PABPC4: variants seen among roughly 807,000 people sequenced by gnomAD.
The protein encoded by PABPC4 is polyadenylate-binding protein 4.
A neutral mutation model predicts 74.5 loss-of-function variants in PABPC4; 15 were observed. The ratio of observed to expected loss-of-function variants is 0.20; its 90% confidence interval spans 0.13 to 0.31. The LOEUF is 0.31. PABPC4 is among the 10% of genes least tolerant of loss of function. The pLI is 1.00. For missense variants in PABPC4, 610 were observed against 853.5 expected (o/e 0.71, Z 3.55); for synonymous variants, 345 against 303.0 (o/e 1.14, Z -1.44).
At chr1:39,564,132 C>T in intron 10 of PABPC4, 1 of 613,426 alleles carries the variant, frequency 1.6e-6, no homozygotes, top group Non-Finnish European at 2.8e-6. Context: ...CCTTGTATTC[C>T]TCACCCCACC....
In PABPC4 at chr1:39,574,823, G is replaced by A. The variant is rs549559767; in HGVS notation, c.193+936C>T. ...CCCTTTTAATCTGGAGTCACGTGCA[G>A]CCTCTGATCAGGTTTCCTCTGGCCT... is the stretch of plus-strand genomic sequence containing the variant. On this transcript the variant is annotated intron_variant, in intron 1 of 15. Transcript: ENST00000372858. Among the ~76,000 whole-genome samples the A allele has an allele frequency of 2.5e-3, 384 of 152,332 alleles. 3 individuals carry two copies. Among genetic ancestry groups the A allele is most frequent in the African/African-American group, 8.7e-3 (363 of 41,584 alleles).
intron 1 of PABPC4, among the ~76,000 whole-genome samples, chr1:39,574,488 C>G (rs1445851639): frequency 3.9e-5 from 6 of 152,216 alleles, no homozygotes; most frequent in Non-Finnish European, 7.3e-5. Context: ...CTAAGTGACA[C>G]GACTTTTGTT....
chr1:39,575,002 G>T (rs1645996614), intron 1 of PABPC4, among the ~76,000 whole-genome samples: 1 of 152,218 alleles, frequency 6.6e-6, no homozygotes, highest in Non-Finnish European at 1.5e-5. Flanking sequence ...CAGATTAGAT[G>T]AAATAAAAGG....
In PABPC4 at chr1:39,568,807, A is replaced by T. The variant is rs751937529; in HGVS notation, c.871T>A (p.Tyr291Asn). The T allele has an allele frequency of 6.2e-7, 1 of 1,613,144 alleles. No individual in the cohort carries two copies. Among genetic ancestry groups the T allele is most frequent in the South Asian group, 1.1e-5 (1 of 90,698 alleles). Residue 291 changes from tyrosine (Y) to asparagine (N), a missense_variant, in exon 6 of 16, where the codon TAT becomes AAT. Transcript: ENST00000372858. ...EQLKQERISRYQGVNLYIKNL... is the reference protein window; with the variant it reads ...EQLKQERISRNQGVNLYIKNL... ...CTGGGCCAAGACCACCTTACCTGATATCGACTAATTCTCTCCTGTTTCAAC... is the reference window on the plus strand; with the variant it reads ...CTGGGCCAAGACCACCTTACCTGATTTCGACTAATTCTCTCCTGTTTCAAC...
In PABPC4 at chr1:39,564,398, C is replaced by T. The variant is rs755539556; in HGVS notation, c.1453+25G>A. ...TCCTGACTCCCTCCTCCCCAGGCCA[C>T]ACTTCTAAAGGCCAGTTTGCTCACC... On this transcript the variant is annotated intron_variant, in intron 10 of 15. Transcript: ENST00000372858. 6 of 1,610,936 alleles carry T rather than the reference C, an allele frequency of 3.7e-6. No homozygotes were observed. In the Admixed American group the frequency reaches 5.0e-5, roughly 13 times the overall value.
At chr1:39,571,132 T>G (rs1645933810) in intron 3 of PABPC4, 102 bp downstream of exon 3, 5 of 1,587,182 alleles carry the variant, frequency 3.2e-6, no homozygotes, top group Admixed American at 1.7e-5. Context: ...CAGGCCACAC[T>G]TGGGCCGAGA....
At chr1:39,565,059 T>C in intron 8 of PABPC4, 47 bp downstream of exon 8, 7 of 1,602,856 alleles carry the variant, frequency 4.4e-6, no homozygotes, top group Non-Finnish European at 6.0e-6. Context: ...TGCAGAATAC[T>C]GCCAGCCGGC....
chr1:39,570,969 T>G, intron 3 of PABPC4: 1 of 1,093,018 alleles, frequency 9.1e-7, no homozygotes, highest in Non-Finnish European at 1.2e-6. Flanking sequence ...CCAGCCCCAG[T>G]TGTTGATGCT....
chr1:39,568,982 G>A (rs1645894652), intron 5 of PABPC4, 43 bp from the exon 6 acceptor site: 1 of 1,586,762 alleles, frequency 6.3e-7, no homozygotes, highest in South Asian at 1.2e-5. Flanking sequence ...TTGCAGCGAT[G>A]GGGTCTTATT....
chr1:39,576,164 C>G lies in PABPC4; in HGVS notation c.-213G>C, dbSNP rs1646023480. ...CGGCCGCAGCACCGCAGACAAAAGG[C>G]TCTCCGCACAATACGGCCCTCCCCG... On this transcript the variant is annotated 5_prime_UTR_variant, in exon 1 of 16. Coordinates refer to ENST00000372858, the MANE Select transcript of PABPC4 (RefSeq NM_001135653.2). The G allele has an allele frequency of 4.1e-6, 2 of 491,188 alleles. No individual in the cohort carries two copies. The highest frequency in any genetic ancestry group is 7.2e-6 in the Non-Finnish European group (2 of 278,030). The allele number at this position is 491,188 out of a possible 1,614,324, so 30.4% of individuals were successfully genotyped here.
chr1:39,575,365 G>A (rs936807628), intron 1 of PABPC4, among the ~76,000 whole-genome samples: 6 of 152,314 alleles, frequency 3.9e-5, no homozygotes, highest in Non-Finnish European at 4.4e-5. Context: ...ACTTTCGCGG[G>A]GAATTGTGTT....
chr1:39,561,436 C>T, intron 15 of PABPC4: 1 of 466,610 alleles, frequency 2.1e-6, no homozygotes, highest in Non-Finnish European at 3.9e-6. Flanking sequence ...ACTGTCTCTT[C>T]TTTCCCTATC....
rs957282655 is a variant in PABPC4, at chr1:39,576,707, ATTTT to A, written c.-760_-757del. 6 of 147,472 alleles carry A rather than the reference ATTTT, an allele frequency of 4.1e-5. No individual in the cohort carries two copies. The highest frequency in any genetic ancestry group is 2.1e-4 in the South Asian group (1 of 4,720). The allele number at this position is 147,472 out of a possible 1,614,324, so 9.1% of individuals were successfully genotyped here. A position where few individuals can be genotyped will look rare whatever the true frequency, so the allele number is the denominator to read the frequency against. ...TTTCAGGATTTTGAAGCGTTTTCAG[ATTTT>A]TTTTATCTTTTTCTCTTTTTTTCCT... On this transcript the variant is annotated 5_prime_UTR_variant, in exon 1 of 16. Transcript: ENST00000372858.
Position 39,565,199 on chromosome 1 carries a change from T to C in PABPC4, c.1152A>G (p.Gln384=). Residue 384 remains glutamine, a synonymous_variant, in exon 8 of 16, where the codon CAA becomes CAG. Transcript: ENST00000372858. The stretch of plus-strand genomic sequence containing the variant: ...GAAGTGCTCTCATTCCAGCCACTCG[T>C]TGCATATACTGGTTGGTCAGGTGAG... ...RKAHLTNQYM[Q]RVAGMRALPA... is the part of the protein sequence containing the mutation. The C allele has an allele frequency of 6.2e-7, 1 of 1,614,214 alleles. No individual in the cohort carries two copies.
chr1:39,567,321 A>C (rs1389689201), intron 7 of PABPC4: 1 of 503,430 alleles, frequency 2.0e-6, no homozygotes, highest in African/African-American at 1.9e-5. Flanking sequence ...ACCAGGGTAG[A>C]AGTTCCCAAG....
intron 2 of PABPC4, among the ~76,000 whole-genome samples, chr1:39,572,054 T>C (rs77027633): frequency 0.017 from 2,627 of 152,218 alleles, 33 homozygotes; most frequent in Non-Finnish European, 0.03. Context: ...AGGAATAGAG[T>C]GAATTTATGC....
Position 39,564,384 on chromosome 1 carries a change from T to TC in PABPC4, c.1453+38dup, listed in dbSNP as rs760479088. 83 of 1,606,638 alleles carry TC rather than the reference T, an allele frequency of 5.2e-5. No homozygotes were observed. The African/African-American group carries it at 9.4e-4, about 18-fold the overall frequency. On this transcript the variant is annotated intron_variant, in intron 10 of 15. Coordinates refer to ENST00000372858, the MANE Select transcript of PABPC4 (RefSeq NM_001135653.2). Reference sequence around the variant, plus strand: ...ACAGAGCCTAGTCATCCTGACTCCCTCCTCCCCAGGCCACACTTCTAAAGG... The same window carrying TC: ...ACAGAGCCTAGTCATCCTGACTCCCTCCCTCCCCAGGCCACACTTCTAAAGG...
At position 39,567,747 on chromosome 1, in the gene PABPC4, A is replaced by C. The variant is rs202028300; in HGVS notation, c.972+4T>G. The C allele has an allele frequency of 6.4e-6, 9 of 1,408,874 alleles. No homozygotes were observed. Among genetic ancestry groups the C allele is most frequent in the Non-Finnish European group, 1.0e-6 (1 of 992,896 alleles). 87.3% of individuals were successfully genotyped at this position (1,408,874 alleles called of 1,614,324 possible). ...CTTTCAATCCCCAGATCGCAGTATAATACCTTAGCACTGGTAATTGATCCA... is the reference window on the plus strand; with the variant it reads ...CTTTCAATCCCCAGATCGCAGTATACTACCTTAGCACTGGTAATTGATCCA... On this transcript the variant is annotated splice_donor_region_variant and intron_variant, in intron 7 of 15. Coordinates refer to ENST00000372858, the MANE Select transcript of PABPC4 (RefSeq NM_001135653.2).
Position 39,576,181 on chromosome 1 carries a change from C to A in PABPC4, c.-230G>T, listed in dbSNP as rs1646023625. The stretch of plus-strand genomic sequence containing the variant: ...ACAAAAGGCTCTCCGCACAATACGG[C>A]CCTCCCCGCGACTTTGCACTTCTCC... On this transcript the variant is annotated 5_prime_UTR_variant, in exon 1 of 16. Coordinates refer to ENST00000372858, the MANE Select transcript of PABPC4 (RefSeq NM_001135653.2). The A allele has an allele frequency of 6.9e-6, 3 of 436,558 alleles. No individual in the cohort carries two copies. Among genetic ancestry groups the A allele is most frequent in the Non-Finnish European group, 1.2e-5 (3 of 247,182 alleles). The allele number at this position is 436,558 out of a possible 1,614,324, so 27.0% of individuals were successfully genotyped here. A position where few individuals can be genotyped will look rare whatever the true frequency, so the allele number is the denominator to read the frequency against.
Sources: gnomAD v4.1 joint callset for allele counts (sites outside exome capture counted in the v4.1 genomes callset) on GRCh38, gnomAD v4.1.1 for gene constraint, MANE v1.5 for transcripts, NCBI Gene and HGNC (gene_info 2026-07-23, HGNC 2026-07-21) for gene names.